OXR1: variants seen among roughly 807,000 people sequenced by gnomAD.
OXR1 encodes oxidation resistance protein 1.
OXR1 carries 41 observed loss-of-function variants against 104.6 expected under a neutral mutation model. The observed-to-expected ratio is 0.39, with a 90% confidence interval of 0.31 to 0.51. The LOEUF (loss-of-function observed/expected upper bound fraction) is 0.51. Among genes scored for constraint, OXR1 ranks in the 20% least tolerant of loss-of-function variants. The probability of loss-of-function intolerance (pLI) is 0.77; values close to 1 mark genes in which losing one functional copy is unlikely to be tolerated. For missense variants in OXR1, 955 were observed against 1,031.9 expected, an observed-to-expected ratio of 0.93 and a Z score of 1.02; for synonymous variants, 348 against 348.4, an observed-to-expected ratio of 1.00 and a Z score of 0.01.
chr8:106,299,559 G>A (rs1813144466), intron 1 of OXR1, among the ~76,000 whole-genome samples: 1 of 152,042 alleles, frequency 6.6e-6, no homozygotes, highest in Admixed American at 6.6e-5. Flanking sequence ...TTTCCAGGTG[G>A]TTGGGGTGAT....
intron 3 of OXR1, among the ~76,000 whole-genome samples, chr8:106,597,659 C>T (rs1819634221): frequency 6.6e-6 from 1 of 152,112 alleles, no homozygotes; most frequent in Non-Finnish European, 1.5e-5. Context: ...CGTTATAACT[C>T]ATTGAGACAG....
At chr8:106,415,094 A>G (rs1234821294) in intron 2 of OXR1, among the ~76,000 whole-genome samples, 1 of 152,074 alleles carries the variant, frequency 6.6e-6, no homozygotes, top group African/African-American at 2.4e-5. Flanking sequence ...ATGTGAAGTG[A>G]CAGGTGACAT....
In OXR1 at chr8:106,271,564, G is replaced by C. The variant is rs538830233; in HGVS notation, c.-139+1197G>C. 3.3e-5 allele frequency: 5 copies of C among 152,572 alleles called. No individual in the cohort carries two copies. In the South Asian group the frequency reaches 1.0e-3, roughly 32 times the overall value. The allele number at this position is 152,572 out of a possible 1,614,324, so 9.5% of individuals were successfully genotyped here. A position where few individuals can be genotyped will look rare whatever the true frequency, so the allele number is the denominator to read the frequency against. ...CGTGTGTGTGCGTGTGTGCGCGCGC[G>C]TGTGCATGTTTCCGGCCCGGGGTCG... On this transcript the variant is annotated intron_variant, in intron 1 of 16. Transcript: ENST00000517566.
chr8:106,593,579 C>T lies in OXR1; in HGVS notation c.220+74440C>T, dbSNP rs995756046. Among the ~76,000 whole-genome samples, 11 of 152,042 alleles carry T rather than the reference C, an allele frequency of 7.2e-5. No individual in the cohort carries two copies. In the East Asian group the frequency reaches 1.2e-3, roughly 16 times the overall value. On this transcript the variant is annotated intron_variant, in intron 3 of 16. Transcript: ENST00000517566. ...GGATCATGAGGTCAGGAGATCGAGA[C>T]CATCCTGGCTAACACGGTGAAACCC...
intron 7 of OXR1, among the ~76,000 whole-genome samples, chr8:106,702,417 GGTA>G (rs1830668017): frequency 6.6e-6 from 1 of 152,096 alleles, no homozygotes; most frequent in South Asian, 2.1e-4. Context: ...CACAAATCTA[GGTA>G]GTAGTAGAGT....
chr8:106,499,168 CAAAAAAAAA>C (rs71307063), intron 2 of OXR1, among the ~76,000 whole-genome samples: 1 of 7,692 alleles, frequency 1.3e-4, no homozygotes, highest in Non-Finnish European at 2.2e-4. Flanking sequence ...GACTCCGTCT[CAAAAAAAAA>C]AAAAAAAAAA....
chr8:106,707,176 C>T lies in OXR1; in HGVS notation c.1624+31C>T. 1.3e-6 allele frequency: 2 copies of T among 1,597,624 alleles called. 1 individual carries two copies. On this transcript the variant is annotated intron_variant, in intron 9 of 16. Coordinates refer to ENST00000517566, the MANE Select transcript of OXR1 (RefSeq NM_001198533.2). ...TGTTATAGAGTAAATGAAGTTAGTT[C>T]ATCCAATTGTATGGTGTCTCCGTCT...
chr8:106,599,296 G>C (rs1819773199), intron 3 of OXR1, among the ~76,000 whole-genome samples: 1 of 152,204 alleles, frequency 6.6e-6, no homozygotes. Context: ...CTCAACCAGA[G>C]TAGTTTAAAA....
chr8:106,656,135 G>C (rs920883719), intron 3 of OXR1: 1 of 152,190 alleles, frequency 6.6e-6, no homozygotes. Flanking sequence ...ATTGAACTCA[G>C]AAGTAGTGTG....
At position 106,315,429 on chromosome 8, in the gene OXR1, A is replaced by T. The variant is rs1813889390; in HGVS notation, c.-138-44047A>T. 3.3e-5 allele frequency among the ~76,000 whole-genome samples: 5 copies of T among 152,298 alleles called. No homozygotes were observed. In the South Asian group the frequency reaches 1.0e-3, roughly 32 times the overall value. On this transcript the variant is annotated intron_variant, in intron 1 of 16. Coordinates refer to ENST00000517566, the MANE Select transcript of OXR1 (RefSeq NM_001198533.2). ...TAAATCCCAAGATAAAATATCCTAG[A>T]CCTTCTACAACCAGATGTTATCCTC...
chr8:106,413,678 T>C (rs1256138575), intron 2 of OXR1, among the ~76,000 whole-genome samples: 1 of 152,100 alleles, frequency 6.6e-6, no homozygotes, highest in Non-Finnish European at 1.5e-5. Flanking sequence ...AGTTATCCTA[T>C]TGTAAGTAAA....
chr8:106,282,897 CTG>C (rs1259063440), intron 1 of OXR1, among the ~76,000 whole-genome samples: 1 of 152,130 alleles, frequency 6.6e-6, no homozygotes, highest in African/African-American at 2.4e-5. Flanking sequence ...AATTTGATAA[CTG>C]TTTCTCATTG....
At chr8:106,671,844 G>A (rs986546342) in intron 3 of OXR1, among the ~76,000 whole-genome samples, 2 of 149,996 alleles carry the variant, frequency 1.3e-5, no homozygotes, top group African/African-American at 4.9e-5. Context: ...GGGAGGGATA[G>A]CATTAGGAGA....
intron 3 of OXR1, among the ~76,000 whole-genome samples, chr8:106,613,403 T>C (rs1316884720): frequency 2.0e-5 from 3 of 152,264 alleles, no homozygotes; most frequent in Admixed American, 6.5e-5. Context: ...ATACTTGATA[T>C]GTCCTTCTTT....
intron 8 of OXR1, among the ~76,000 whole-genome samples, chr8:106,704,350 T>C (rs1197727186): frequency 6.6e-6 from 1 of 151,170 alleles, no homozygotes; most frequent in Non-Finnish European, 1.5e-5. Flanking sequence ...TGAGATTCTG[T>C]TGTCCTCCTT....
chr8:106,718,548 C>T (rs1407119196), intron 11 of OXR1, among the ~76,000 whole-genome samples: 1 of 151,988 alleles, frequency 6.6e-6, no homozygotes, highest in Non-Finnish European at 1.5e-5. Flanking sequence ...ATAAAGAGTA[C>T]TTTGGTGTGG....
chr8:106,323,359 CA>C (rs1322957330), intron 1 of OXR1, among the ~76,000 whole-genome samples: 2 of 152,024 alleles, frequency 1.3e-5, no homozygotes, highest in Non-Finnish European at 2.9e-5. Context: ...ACACCATATA[CA>C]AAAGTCAATT....
chr8:106,597,368 G>A lies in OXR1; in HGVS notation c.220+78229G>A, dbSNP rs868148284. On this transcript the variant is annotated intron_variant, in intron 3 of 16. Transcript: ENST00000517566. ...AAGCAGGCTCCTTCCAGAACCTGCA[G>A]GCACCTTGATCTTGGAATTCTCAGC... 3.7e-4 allele frequency among the ~76,000 whole-genome samples: 56 copies of A among 152,220 alleles called. 2 individuals carry two copies. In the Middle Eastern group the frequency reaches 0.027, roughly 74 times the overall value.
chr8:106,303,633 G>A (rs905169435), intron 1 of OXR1, among the ~76,000 whole-genome samples: 4 of 152,106 alleles, frequency 2.6e-5, no homozygotes, highest in Non-Finnish European at 4.4e-5. Flanking sequence ...CGTTGGCATA[G>A]CGTTTATGGT....
Sources: gnomAD v4.1 joint callset for allele counts (sites outside exome capture counted in the v4.1 genomes callset) on GRCh38, gnomAD v4.1.1 for gene constraint, MANE v1.5 for transcripts, NCBI Gene and HGNC (gene_info 2026-07-23, HGNC 2026-07-21) for gene names.